MACO1: variants seen among roughly 807,000 people sequenced by gnomAD.
MACO1 encodes macoilin 1.
MACO1 carries 14 observed loss-of-function variants against 78.7 expected under a neutral mutation model. That is an observed-to-expected ratio of 0.18 (90% confidence interval 0.12 to 0.28). The LOEUF (loss-of-function observed/expected upper bound fraction) is 0.28. Among genes scored for constraint, MACO1 ranks in the 10% least tolerant of loss-of-function variants. The pLI is 1.00. For synonymous variants in MACO1, 288 were observed against 291.6 expected, an observed-to-expected ratio of 0.99 and a Z score of 0.12; for missense variants, 501 against 799.0, an observed-to-expected ratio of 0.63 and a Z score of 4.50.
intron 9 of MACO1, 111 bp downstream of exon 9, chr1:25,489,404 T>C (rs994405937): frequency 6.5e-6 from 8 of 1,231,166 alleles, no homozygotes; most frequent in Non-Finnish European, 8.8e-6. Context: ...TCAAATCTCA[T>C]TGCATCTGAA....
Position 25,458,610 on chromosome 1 carries a change from A to G in MACO1, c.872A>G (p.Asn291Ser), listed in dbSNP as rs1376107020. 6.2e-7 allele frequency: 1 copy of G among 1,613,916 alleles called. No homozygotes were observed. Among genetic ancestry groups the G allele is most frequent in the Non-Finnish European group, 8.5e-7 (1 of 1,179,902 alleles). ...SKIQEIEYME[N>S]HINSKRLNND... ...ATACAAGAGATTGAGTATATGGAAA[A>G]CCATATCAATAGTAAAAGATTAAAT... Residue 291 changes from asparagine (N) to serine (S), a missense_variant, in exon 6 of 11, where the codon AAC becomes AGC. By Grantham distance (46) the Asn-to-Ser change is conservative. Transcript: ENST00000374343.
At chr1:25,447,638 G>A (rs1435775296) in intron 2 of MACO1, among the ~76,000 whole-genome samples, 1 of 152,174 alleles carries the variant, frequency 6.6e-6, no homozygotes, top group Non-Finnish European at 1.5e-5. Flanking sequence ...GTCTGTTACT[G>A]TATCACATGT....
At chr1:25,491,314 C>A in intron 9 of MACO1, 96 bp from the exon 10 acceptor site, 2 of 1,538,566 alleles carry the variant, frequency 1.3e-6, no homozygotes, top group East Asian at 2.3e-5. Context: ...GTGGCCAGAC[C>A]AAGAATAGTG....
chr1:25,431,254 A>C, intron 1 of MACO1, 76 bp downstream of exon 1: 1 of 1,197,646 alleles, frequency 8.3e-7, no homozygotes, highest in South Asian at 1.5e-5. Flanking sequence ...TGGCCCCGTT[A>C]TGTAACCCCG....
chr1:25,489,284 A>G lies in MACO1; in HGVS notation c.1608A>G (p.Leu536=), dbSNP rs1350296335. 1.2e-6 allele frequency: 2 copies of G among 1,613,810 alleles called. No individual in the cohort carries two copies. The highest frequency in any genetic ancestry group is 1.7e-5 in the Admixed American group (1 of 60,014). ...VKEDQIRELE[L]KVQELRKYKE... ...AAGACCAAATCAGAGAACTAGAACT[A>G]AAAGTCCAGGTAAGGGGGGAACAAA... The change falls in exon 9 of 11, where the codon CTA becomes CTG. Residue 536 remains leucine, a synonymous_variant. Transcript: ENST00000374343.
intron 1 of MACO1, among the ~76,000 whole-genome samples, 180 bp downstream of exon 1, chr1:25,431,358 G>T (rs2124562752): frequency 6.8e-6 from 1 of 147,360 alleles, no homozygotes; most frequent in African/African-American, 2.4e-5. Context: ...GGTGCGCGGG[G>T]CGTGGCGAGG....
chr1:25,494,494 A>G (rs1429139624), intron 10 of MACO1, among the ~76,000 whole-genome samples: 1 of 152,146 alleles, frequency 6.6e-6, no homozygotes, highest in Non-Finnish European at 1.5e-5. Context: ...ACGAAGCCAT[A>G]CTAGAGAGGG....
Position 25,484,206 on chromosome 1 carries a change from G to C in MACO1, c.1245G>C (p.Ser415=), listed in dbSNP as rs149386466. 19 of 1,613,850 alleles carry C rather than the reference G, an allele frequency of 1.2e-5. No individual in the cohort carries two copies. The African/African-American group carries it at 2.3e-4, about 19-fold the overall frequency. Residue 415 remains serine, a synonymous_variant, in exon 7 of 11, where the codon TCG becomes TCC. Coordinates refer to ENST00000374343, the MANE Select transcript of MACO1 (RefSeq NM_018202.6). ...QELRSQISSL[S]STERGIRSEM... ...TCCGCAGTCAGATCAGCTCCCTTTCGAGCACCGAGCGAGGGATCCGCTCAG... is the reference window on the plus strand; with the variant it reads ...TCCGCAGTCAGATCAGCTCCCTTTCCAGCACCGAGCGAGGGATCCGCTCAG...
chr1:25,462,790 G>GGGTGGGTCTTTTACAAGCT (rs1197129108), intron 6 of MACO1, among the ~76,000 whole-genome samples: 2 of 55,408 alleles, frequency 3.6e-5, no homozygotes, highest in African/African-American at 8.2e-5. Context: ...CCCTGTAAAA[G>GGGTGGGTCTTTTACAAGCT]GGCGGGCAGT....
intron 8 of MACO1, among the ~76,000 whole-genome samples, chr1:25,487,430 G>A (rs1000204440): frequency 3.9e-5 from 6 of 152,214 alleles, no homozygotes; most frequent in African/African-American, 1.4e-4. Flanking sequence ...TGGGATTACA[G>A]GCGTGAGCCA....
At chr1:25,445,252 T>TC (rs2043005543) in intron 1 of MACO1, among the ~76,000 whole-genome samples, 1 of 150,720 alleles carries the variant, frequency 6.6e-6, no homozygotes, top group Non-Finnish European at 1.5e-5. Context: ...TGAGCTATGA[T>TC]CGTGCCATTG....
At chr1:25,469,013 T>A (rs549595845) in intron 6 of MACO1, among the ~76,000 whole-genome samples, 7 of 152,228 alleles carry the variant, frequency 4.6e-5, no homozygotes, top group Admixed American at 2.0e-4. Flanking sequence ...CTAATTTTTT[T>A]ATTTTTTTTA....
At chr1:25,440,464 T>C (rs1383245546) in intron 1 of MACO1, among the ~76,000 whole-genome samples, 1 of 150,744 alleles carries the variant, frequency 6.6e-6, no homozygotes, top group Non-Finnish European at 1.5e-5. Context: ...AAAACATTAG[T>C]TCACTTAAAA....
Position 25,458,529 on chromosome 1 carries a change from A to G in MACO1, c.791A>G (p.Lys264Arg). ...GGGAAAGAAAAGGACAAGGATGCCA[A>G]AAAACACAACCTTGGAATAAATAAC... ...EKGKEKDKDA[K>R]KHNLGINNNN... Residue 264 changes from lysine to arginine, a missense_variant, in exon 6 of 11, where the codon AAA becomes AGA. Physicochemically the swap from Lys to Arg is conservative, Grantham distance 26 (BLOSUM62 2). This residue lies in a region of MACO1 where 90 missense variants were observed against 85.7 expected (regional missense o/e 1.05). Transcript: ENST00000374343. 6.2e-7 allele frequency: 1 copy of G among 1,614,170 alleles called. No homozygotes were observed. The highest frequency in any genetic ancestry group is 1.3e-5 in the African/African-American group (1 of 75,050).
rs534415196 is a variant in MACO1 at position 25,456,629 on chromosome 1, C to G, written c.474-24C>G. 1.7e-5 allele frequency: 28 copies of G among 1,604,566 alleles called. No individual in the cohort carries two copies. In the Admixed American group the frequency reaches 2.1e-4, roughly 12 times the overall value. ...GTGGTTCATTTTAAACCTACAATTA[C>G]TGGCTGGATTGTCTTCTTTCTAGTA... On this transcript the variant is annotated intron_variant, in intron 4 of 10. Coordinates refer to ENST00000374343, the MANE Select transcript of MACO1 (RefSeq NM_018202.6).
At chr1:25,483,957 A>G (rs941177770) in intron 6 of MACO1, among the ~76,000 whole-genome samples, 159 bp from the exon 7 acceptor site, 18 of 152,234 alleles carry the variant, frequency 1.2e-4, no homozygotes, top group African/African-American at 4.3e-4. Flanking sequence ...ATTCAACAAA[A>G]TTAACCCAGT....
At chr1:25,478,720 G>A (rs940287979) in intron 6 of MACO1, among the ~76,000 whole-genome samples, 21 of 152,220 alleles carry the variant, frequency 1.4e-4, no homozygotes, top group Admixed American at 9.8e-4. Context: ...TGGACCTGAT[G>A]TGTAATAATT....
chr1:25,488,347 G>T (rs1464719370), intron 8 of MACO1, among the ~76,000 whole-genome samples: 1 of 152,146 alleles, frequency 6.6e-6, no homozygotes, highest in Non-Finnish European at 1.5e-5. Flanking sequence ...ACCATGCCCA[G>T]CCCAGTTATT....
At chr1:25,465,006 A>G (rs1200913298) in intron 6 of MACO1, among the ~76,000 whole-genome samples, 1 of 146,334 alleles carries the variant, frequency 6.8e-6, no homozygotes, top group Non-Finnish European at 1.5e-5. Flanking sequence ...AGAGACAGGA[A>G]CTTACTATAT....
Sources: gnomAD v4.1 joint callset for allele counts (sites outside exome capture counted in the v4.1 genomes callset) on GRCh38, gnomAD v4.1.1 for gene constraint, gnomAD v4.1.1 regional missense constraint, MANE v1.5 for transcripts, NCBI Gene and HGNC (gene_info 2026-07-23, HGNC 2026-07-21) for gene names.